Variants in MYO18A observed in about 807,000 individuals in gnomAD.
MYO18A encodes the protein myosin XVIIIA.
A neutral mutation model predicts 235.8 loss-of-function variants in MYO18A; 78 were observed. The observed-to-expected ratio is 0.33, with a 90% CI of 0.28 to 0.40. The LOEUF is 0.40. Among genes scored for constraint, MYO18A ranks in the 10% least tolerant of loss-of-function variants. MYO18A has a pLI of 1.00. For synonymous variants in MYO18A, 977 were observed against 1,077.8 expected, an observed-to-expected ratio of 0.91 and a Z score of 1.83; for missense variants, 2,215 against 2,699.3, an observed-to-expected ratio of 0.82 and a Z score of 3.98.
intron 10 of MYO18A, among the ~76,000 whole-genome samples, 162 bp from the exon 11 acceptor site, chr17:29,116,617 A>ACACACACACACACACACG (rs1297033571): frequency 6.6e-6 from 1 of 150,646 alleles, no homozygotes; most frequent in African/African-American, 2.4e-5. Flanking sequence ...ACAAACGCAC[A>ACACACACACACACACACG]CACACACAGT....
At chr17:29,178,973 T>C (rs1424084639) in intron 1 of MYO18A, among the ~76,000 whole-genome samples, 3 of 152,176 alleles carry the variant, frequency 2.0e-5, no homozygotes, top group African/African-American at 7.2e-5. Context: ...GATGAGGCCT[T>C]CTCGGCCACA....
At chr17:29,129,228 A>C in intron 2 of MYO18A, 9 of 730,234 alleles carry the variant, frequency 1.2e-5, no homozygotes, top group Non-Finnish European at 1.8e-5. Context: ...CTATGTTCTC[A>C]AGCACTGAGG....
Position 29,109,330 on chromosome 17 carries a change from C to T in MYO18A, c.3331+528G>A, listed in dbSNP as rs769309593. ...CTGGAATGATACCAGTGTGCTATCC[C>T]GGCCCCCAGCCACCGATAACAGCTT... On this transcript the variant is annotated intron_variant, in intron 19 of 41. Coordinates refer to ENST00000527372, the MANE Select transcript of MYO18A (RefSeq NM_078471.4). This position sits in a 1 kb window ranked among gnomAD's most constrained non-coding sequence, Gnocchi z 4.1. 1.7e-4 allele frequency among the ~76,000 whole-genome samples: 26 copies of T among 152,100 alleles called. No individual in the cohort carries two copies. The highest frequency in any genetic ancestry group is 3.8e-4 in the East Asian group (2 of 5,196).
chr17:29,095,695 G>A (rs950140203), intron 28 of MYO18A, among the ~76,000 whole-genome samples: 3 of 152,228 alleles, frequency 2.0e-5, no homozygotes, highest in Admixed American at 6.5e-5. Context: ...ACTAAATATG[G>A]AGCAAATTGC....
intron 2 of MYO18A, among the ~76,000 whole-genome samples, chr17:29,147,303 G>T (rs2067869339): frequency 6.6e-6 from 1 of 152,122 alleles, no homozygotes; most frequent in Admixed American, 6.5e-5. Context: ...GATTGCTTGA[G>T]CTCAGGAGTT....
In MYO18A at chr17:29,115,594, C is replaced by T; in HGVS notation, c.2227+70G>A. 2.0e-6 allele frequency: 3 copies of T among 1,506,520 alleles called. No homozygotes were observed. The South Asian group carries it at 3.9e-5, about 20-fold the overall frequency. 93.3% of individuals were successfully genotyped at this position (1,506,520 alleles called of 1,614,324 possible). A position where few individuals can be genotyped will look rare whatever the true frequency, so the allele number is the denominator to read the frequency against. ...TGTTCACTCCAGCAGTCCCCTCCCG[C>T]CCCAGGGATGGCAGCAAGCCCCAGA... On this transcript the variant is annotated intron_variant, in intron 12 of 41. Coordinates refer to ENST00000527372, the MANE Select transcript of MYO18A (RefSeq NM_078471.4).
At chr17:29,150,925 T>G (rs956261920) in intron 2 of MYO18A, among the ~76,000 whole-genome samples, 15 of 152,182 alleles carry the variant, frequency 9.9e-5, no homozygotes, top group Non-Finnish European at 1.9e-4. Flanking sequence ...TAGTTTTGGC[T>G]GCAGGAATTG....
At chr17:29,122,678 C>T (rs1408164228) in intron 2 of MYO18A, among the ~76,000 whole-genome samples, 2 of 152,246 alleles carry the variant, frequency 1.3e-5, no homozygotes, top group African/African-American at 2.4e-5. Flanking sequence ...TAGGATCTTC[C>T]GTGCCCAGCT....
chr17:29,105,171 CA>C (rs58344909), intron 20 of MYO18A, among the ~76,000 whole-genome samples: 2,408 of 35,864 alleles, frequency 0.067, 23 homozygotes, highest in African/African-American at 0.18. Context: ...GACTCTGTCT[CA>C]AAAAAAAAAA....
At chr17:29,101,173 T>A (rs973156768) in intron 21 of MYO18A, among the ~76,000 whole-genome samples, 1 of 152,018 alleles carries the variant, frequency 6.6e-6, no homozygotes, top group Non-Finnish European at 1.5e-5. Context: ...AATTTTTGTA[T>A]TTTTTGTAGA....
intron 2 of MYO18A, among the ~76,000 whole-genome samples, chr17:29,150,763 G>C (rs914895082): frequency 6.6e-6 from 1 of 152,232 alleles, no homozygotes; most frequent in African/African-American, 2.4e-5. Context: ...TTTGATGACT[G>C]ATTTTGAGGT....
chr17:29,145,488 C>T (rs947677359), intron 2 of MYO18A, among the ~76,000 whole-genome samples: 1 of 152,208 alleles, frequency 6.6e-6, no homozygotes, highest in African/African-American at 2.4e-5. Context: ...ACTTATTCAA[C>T]TAGCTGTGAA....
At chr17:29,122,121 G>A in intron 3 of MYO18A, 45 bp downstream of exon 3, 4 of 1,586,420 alleles carry the variant, frequency 2.5e-6, no homozygotes, top group Non-Finnish European at 3.4e-6. Context: ...CCAGCCCTGA[G>A]ACCAGTGAGT....
intron 14 of MYO18A, 82 bp from the exon 15 acceptor site, chr17:29,114,179 T>G: frequency 9.1e-7 from 1 of 1,098,638 alleles, no homozygotes; most frequent in Non-Finnish European, 1.4e-6. Flanking sequence ...GAAGGGGCTC[T>G]GAGATCAGCA....
At chr17:29,169,792 C>A (rs1178183877) in intron 1 of MYO18A, among the ~76,000 whole-genome samples, 7 of 152,052 alleles carry the variant, frequency 4.6e-5, no homozygotes, top group African/African-American at 1.4e-4. Flanking sequence ...TGCTGTCCCA[C>A]CAAGACGCCC....
intron 1 of MYO18A, among the ~76,000 whole-genome samples, chr17:29,172,363 G>C (rs1033110696): frequency 6.6e-6 from 1 of 152,054 alleles, no homozygotes; most frequent in Non-Finnish European, 1.5e-5. Flanking sequence ...TACTCAGGAG[G>C]CTGAGGCAGG....
Position 29,113,141 on chromosome 17 carries a change from A to C in MYO18A, c.2598+870T>G, listed in dbSNP as rs146563185. ...TAGGAGCCCAGGTGTCAGGAAAAGA[A>C]AATTCACTTCCCTGGGGAGATGCGG... On this transcript the variant is annotated intron_variant, in intron 15 of 41. Transcript: ENST00000527372. 2.6e-4 allele frequency among the ~76,000 whole-genome samples: 39 copies of C among 152,338 alleles called. No individual in the cohort carries two copies. In the East Asian group the frequency reaches 7.3e-3, roughly 29 times the overall value.
At chr17:29,130,313 A>AG (rs1363832054) in intron 2 of MYO18A, among the ~76,000 whole-genome samples, 1 of 151,220 alleles carries the variant, frequency 6.6e-6, no homozygotes, top group East Asian at 1.9e-4. Context: ...AAAAAAAAAA[A>AG]AAAAAAAAAA....
In MYO18A at chr17:29,111,848, G is replaced by A. The variant is rs537159426; in HGVS notation, c.2614C>T (p.Arg872Cys). ...SHQSLVRSLARTDEARGLLWL... is the reference protein window; with the variant it reads ...SHQSLVRSLACTDEARGLLWL... Reference sequence around the variant, plus strand: ...AGCAGGCCCCTCGCCTCGTCTGTGCGGGCCAGCGAGCGGACCTACAGAGAA... The same window carrying A: ...AGCAGGCCCCTCGCCTCGTCTGTGCAGGCCAGCGAGCGGACCTACAGAGAA... Residue 872 changes from arginine (R) to cysteine (C), a missense_variant, in exon 16 of 42, where the codon CGC (arginine) becomes TGC (cysteine). By Grantham distance (180) the Arg-to-Cys change is radical (BLOSUM62 -3). Transcript: ENST00000527372. This position sits in a 1 kb window ranked among gnomAD's most constrained non-coding sequence, Gnocchi z 5.1. 100 of 1,612,364 alleles carry A rather than the reference G, an allele frequency of 6.2e-5. No homozygotes were observed. In the South Asian group the frequency reaches 1.0e-3, roughly 16 times the overall value.
Sources: gnomAD v4.1 joint callset for allele counts (sites outside exome capture counted in the v4.1 genomes callset) on GRCh38, gnomAD v4.1.1 for gene constraint, Gnocchi (gnomAD v3.1) non-coding constraint, MANE v1.5 for transcripts, NCBI Gene and HGNC (gene_info 2026-07-23, HGNC 2026-07-21) for gene names.